RCSD1: variants seen among roughly 807,000 people sequenced by gnomAD.
The protein encoded by RCSD1 is capZ-interacting protein.
RCSD1 carries 26 observed loss-of-function variants against 42.5 expected under a neutral mutation model. That is an observed-to-expected ratio of 0.61 (90% CI 0.45 to 0.85). The LOEUF (loss-of-function observed/expected upper bound fraction) is 0.85. RCSD1 is among the 40% of genes least tolerant of loss of function. RCSD1 has a pLI of 0.00. For missense variants in RCSD1, 571 were observed against 528.3 expected (o/e 1.08, Z -0.79); for synonymous variants, 220 against 212.2 (o/e 1.04, Z -0.32).
At chr1:167,665,339 A>G (rs1460243107) in intron 1 of RCSD1, among the ~76,000 whole-genome samples, 2 of 147,620 alleles carry the variant, frequency 1.4e-5, no homozygotes, top group African/African-American at 4.8e-5. Context: ...ATGTACGTAT[A>G]ACACAATTTG....
At chr1:167,696,454 TC>T (rs1223679492) in intron 5 of RCSD1, among the ~76,000 whole-genome samples, 2 of 148,784 alleles carry the variant, frequency 1.3e-5, no homozygotes, top group South Asian at 2.1e-4. Context: ...TTAGACAATT[TC>T]TTTTTTTTTT....
At chr1:167,683,614 T>C (rs571926951) in intron 1 of RCSD1, among the ~76,000 whole-genome samples, 114 of 152,110 alleles carry the variant, frequency 7.5e-4, no homozygotes, top group African/African-American at 2.6e-3. Context: ...AATGAGAAAA[T>C]TGGACCTGTA....
chr1:167,632,853 T>G (rs954473355), intron 1 of RCSD1, among the ~76,000 whole-genome samples: 1 of 152,044 alleles, frequency 6.6e-6, no homozygotes, highest in Non-Finnish European at 1.5e-5. Flanking sequence ...AGAGGAAATC[T>G]AGGGGCCAGG....
chr1:167,666,138 G>A (rs555144070), intron 1 of RCSD1, among the ~76,000 whole-genome samples: 20 of 152,322 alleles, frequency 1.3e-4, no homozygotes, highest in East Asian at 9.6e-4. Flanking sequence ...ATCCCAAAAC[G>A]TAAACTCTCT....
chr1:167,694,050 C>T (rs764848968), intron 4 of RCSD1, 49 bp from the exon 5 acceptor site: 1 of 1,588,360 alleles, frequency 6.3e-7, no homozygotes, highest in East Asian at 2.2e-5. Context: ...AGTAGAGGCT[C>T]TGATCTTCTC....
intron 1 of RCSD1, among the ~76,000 whole-genome samples, chr1:167,646,072 G>A (rs1658135634): frequency 1.3e-5 from 2 of 152,224 alleles, no homozygotes; most frequent in African/African-American, 4.8e-5. Flanking sequence ...TGCAGATTTG[G>A]TATTTGGTTG....
At chr1:167,679,422 T>C (rs1659027131) in intron 1 of RCSD1, among the ~76,000 whole-genome samples, 1 of 152,238 alleles carries the variant, frequency 6.6e-6, no homozygotes, top group Admixed American at 6.5e-5. Context: ...AACATTGGGA[T>C]ACATTGAAGA....
At chr1:167,693,737 G>A (rs1659431421) in intron 4 of RCSD1, among the ~76,000 whole-genome samples, 1 of 152,184 alleles carries the variant, frequency 6.6e-6, no homozygotes, top group African/African-American at 2.4e-5. Context: ...ATGAGAAAGG[G>A]GATCACAGAG....
chr1:167,675,133 G>C (rs951072803), intron 1 of RCSD1, among the ~76,000 whole-genome samples: 9 of 143,850 alleles, frequency 6.3e-5, no homozygotes, highest in African/African-American at 2.1e-4. Context: ...TTGAACCCAG[G>C]AGGTGGAGGT....
At chr1:167,692,943 G>A (rs1659410241) in intron 4 of RCSD1, among the ~76,000 whole-genome samples, 1 of 151,648 alleles carries the variant, frequency 6.6e-6, no homozygotes, top group Non-Finnish European at 1.5e-5. Context: ...GGGCAGGAGA[G>A]AGTACACAGG....
intron 4 of RCSD1, among the ~76,000 whole-genome samples, chr1:167,690,502 T>C (rs112336639): frequency 0.012 from 1,783 of 152,038 alleles, 35 homozygotes; most frequent in African/African-American, 0.042. Context: ...AGTGAGACAC[T>C]ATCTCTACAA....
chr1:167,690,002 T>C, intron 3 of RCSD1, 47 bp from the exon 4 acceptor site: 1 of 1,594,378 alleles, frequency 6.3e-7, no homozygotes, highest in South Asian at 1.1e-5. Flanking sequence ...AGAACCCCAC[T>C]TTCCTCACCT....
At chr1:167,692,155 A>G (rs1412691778) in intron 4 of RCSD1, among the ~76,000 whole-genome samples, 2 of 152,260 alleles carry the variant, frequency 1.3e-5, no homozygotes, top group African/African-American at 4.8e-5. Flanking sequence ...CAATAGAATG[A>G]CAACTTAGCC....
rs537999255 is a variant in RCSD1, at chr1:167,659,929, G to GA, written c.7-23969dup. Among the ~76,000 whole-genome samples, 272 of 152,174 alleles carry GA rather than the reference G, an allele frequency of 1.8e-3. 1 individual carries two copies. The highest frequency in any genetic ancestry group is 6.1e-3 in the African/African-American group (254 of 41,490). ...GGTCACTCACCCTTCCCTGGACATT[G>GA]AACGCTCTCTCCAAAAGGATGTCTG... On this transcript the variant is annotated intron_variant, in intron 1 of 6. Coordinates refer to ENST00000367854, the MANE Select transcript of RCSD1 (RefSeq NM_052862.4).
intron 1 of RCSD1, among the ~76,000 whole-genome samples, chr1:167,642,633 A>G (rs1321505353): frequency 1.3e-5 from 2 of 152,166 alleles, no homozygotes; most frequent in East Asian, 3.8e-4. Flanking sequence ...TGCCACCAGG[A>G]GTTGCAACTT....
intron 1 of RCSD1, among the ~76,000 whole-genome samples, chr1:167,650,880 G>A (rs754943539): frequency 6.6e-6 from 1 of 152,166 alleles, no homozygotes; most frequent in East Asian, 1.9e-4. Context: ...TTATTAGTTC[G>A]GTAGCGCTGC....
intron 1 of RCSD1, among the ~76,000 whole-genome samples, chr1:167,663,143 G>T (rs1044282533): frequency 6.6e-6 from 1 of 152,152 alleles, no homozygotes; most frequent in Non-Finnish European, 1.5e-5. Flanking sequence ...TTCTAACTTT[G>T]CAGGACAGGG....
At chr1:167,688,340 A>G (rs936915032) in intron 3 of RCSD1, among the ~76,000 whole-genome samples, 2 of 152,172 alleles carry the variant, frequency 1.3e-5, no homozygotes, top group Admixed American at 1.3e-4. Context: ...TGCAGTTTCT[A>G]AAAGTTTCTC....
rs1659739282 is a variant in RCSD1, at chr1:167,705,593, A to G, written c.*897A>G. 1 of 152,218 alleles carries G rather than the reference A, an allele frequency of 6.6e-6. No individual in the cohort carries two copies. The highest frequency in any genetic ancestry group is 2.4e-5 in the African/African-American group (1 of 41,442). 9.4% of individuals were successfully genotyped at this position (152,218 alleles called of 1,614,324 possible). A position where few individuals can be genotyped will look rare whatever the true frequency, so the allele number is the denominator to read the frequency against. ...TGAATTTGCATTTCCAGAATCCTTG[A>G]GCATGGATTAGATGTTTCCTGGGAG... On this transcript the variant is annotated 3_prime_UTR_variant, in exon 7 of 7. Transcript: ENST00000367854.
Sources: gnomAD v4.1 joint callset for allele counts (sites outside exome capture counted in the v4.1 genomes callset) on GRCh38, gnomAD v4.1.1 for gene constraint, MANE v1.5 for transcripts, NCBI Gene and HGNC (gene_info 2026-07-23, HGNC 2026-07-21) for gene names.